PRKCA: variants seen among roughly 807,000 people sequenced by gnomAD.
PRKCA encodes the protein protein kinase C alpha type.
In PRKCA, 27 loss-of-function variants were observed where a neutral mutation model predicts 87.0. The observed-to-expected ratio is 0.31, with a 90% CI of 0.23 to 0.43. The LOEUF (loss-of-function observed/expected upper bound fraction) is 0.43, where lower values mean the gene tolerates loss of function less well. Ranked by LOEUF, PRKCA falls within the 20% of genes least tolerant of loss-of-function variation. The pLI, the probability that PRKCA is intolerant of heterozygous loss-of-function variation, is 1.00. For missense variants in PRKCA, 518 were observed against 852.3 expected (o/e 0.61, Z 4.88); for synonymous variants, 329 against 311.1 (o/e 1.06, Z -0.61).
chr17:66,764,488 T>A (rs747871473), intron 13 of PRKCA, among the ~76,000 whole-genome samples: 11 of 152,184 alleles, frequency 7.2e-5, no homozygotes, highest in Non-Finnish European at 1.5e-4. Context: ...CCTGGTCCTG[T>A]GCCCGGGCTG....
chr17:66,474,711 T>C (rs956300952), intron 2 of PRKCA, among the ~76,000 whole-genome samples: 3 of 152,234 alleles, frequency 2.0e-5, no homozygotes, highest in Non-Finnish European at 4.4e-5. Context: ...TTTCCTCAAC[T>C]TAAAGTAATT....
chr17:66,798,890 G>A (rs796428376), intron 16 of PRKCA, among the ~76,000 whole-genome samples: 4 of 21,676 alleles, frequency 1.8e-4, no homozygotes, highest in Non-Finnish European at 3.2e-4. Flanking sequence ...GGTGGTGGTG[G>A]TGGTGGTGGT....
chr17:66,562,328 C>T (rs1038348501), intron 3 of PRKCA, among the ~76,000 whole-genome samples: 2 of 151,010 alleles, frequency 1.3e-5, no homozygotes, highest in African/African-American at 4.9e-5. Context: ...ATGAGTACCA[C>T]CCTATAAATG....
intron 3 of PRKCA, among the ~76,000 whole-genome samples, chr17:66,586,686 C>G (rs1330568382): frequency 6.6e-6 from 1 of 152,194 alleles, no homozygotes; most frequent in African/African-American, 2.4e-5. Context: ...CTACTAAGCT[C>G]CTTCAACAGC....
chr17:66,796,951 T>C lies in PRKCA; in HGVS notation c.1855-6922T>C, dbSNP rs1254429018. On this transcript the variant is annotated intron_variant, in intron 16 of 16. Transcript: ENST00000413366. ...AGTCTTGCAACATCCCTTTACTCTT[T>C]ATTTGTTCTGCATCTTTCCTCTTCT... 4.1e-6 allele frequency: 4 copies of C among 985,324 alleles called. No individual in the cohort carries two copies. In the East Asian group the frequency reaches 4.5e-4, roughly 112 times the overall value. 61.0% of individuals were successfully genotyped at this position (985,324 alleles called of 1,614,324 possible).
chr17:66,429,750 G>T (rs1330084109), intron 2 of PRKCA, among the ~76,000 whole-genome samples: 1 of 152,090 alleles, frequency 6.6e-6, no homozygotes, highest in Non-Finnish European at 1.5e-5. Context: ...CAAAATTTAG[G>T]CAAAGGTAGA....
At chr17:66,764,959 T>C (rs1974765755) in intron 13 of PRKCA, among the ~76,000 whole-genome samples, 1 of 152,120 alleles carries the variant, frequency 6.6e-6, no homozygotes, top group Admixed American at 6.5e-5. Context: ...CCTAGACCAA[T>C]GAGAGCCAGA....
intron 3 of PRKCA, among the ~76,000 whole-genome samples, chr17:66,532,601 C>T (rs1184101274): frequency 2.6e-5 from 4 of 151,984 alleles, no homozygotes; most frequent in African/African-American, 4.8e-5. Context: ...TCAGGTGATC[C>T]GCCCACCTCG....
chr17:66,573,667 A>G (rs1204731031), intron 3 of PRKCA, among the ~76,000 whole-genome samples: 1 of 152,216 alleles, frequency 6.6e-6, no homozygotes, highest in Non-Finnish European at 1.5e-5. Context: ...AAAGCATAAC[A>G]TTATTCTTTG....
intron 13 of PRKCA, among the ~76,000 whole-genome samples, chr17:66,770,250 A>T (rs572948829): frequency 1.3e-5 from 2 of 152,350 alleles, no homozygotes; most frequent in South Asian, 4.1e-4. Flanking sequence ...CAAAGTTATT[A>T]AATATACTAT....
chr17:66,710,728 G>C (rs760917823), intron 8 of PRKCA, among the ~76,000 whole-genome samples: 1 of 151,998 alleles, frequency 6.6e-6, no homozygotes, highest in Non-Finnish European at 1.5e-5. Flanking sequence ...CTTCAGATTA[G>C]GTTAGTTTAA....
intron 5 of PRKCA, among the ~76,000 whole-genome samples, chr17:66,680,139 G>A (rs1392106764): frequency 1.3e-5 from 2 of 152,146 alleles, no homozygotes; most frequent in African/African-American, 4.8e-5. Context: ...ACTAAATCTC[G>A]CCTGTTTCCA....
intron 2 of PRKCA, among the ~76,000 whole-genome samples, chr17:66,467,029 T>C (rs866760536): frequency 6.6e-6 from 1 of 152,226 alleles, no homozygotes; most frequent in South Asian, 2.1e-4. Context: ...TATGAAAAGA[T>C]GTTTGCTGAT....
intron 2 of PRKCA, among the ~76,000 whole-genome samples, chr17:66,307,118 G>A (rs1904856624): frequency 6.6e-6 from 1 of 152,092 alleles, no homozygotes; most frequent in Non-Finnish European, 1.5e-5. Flanking sequence ...CTTGTTTCTT[G>A]TATACATTTT....
At chr17:66,644,797 G>C (rs900127030) in intron 4 of PRKCA, among the ~76,000 whole-genome samples, 2 of 151,954 alleles carry the variant, frequency 1.3e-5, no homozygotes, top group Admixed American at 1.3e-4. Flanking sequence ...TCAGTGGTAA[G>C]CCCAGAATGA....
At position 66,746,084 on chromosome 17, in the gene PRKCA, C is replaced by T. The variant is rs114066041; in HGVS notation, c.1524+3324C>T. Among the ~76,000 whole-genome samples, 946 of 149,014 alleles carry T rather than the reference C, an allele frequency of 6.3e-3. 13 individuals are homozygous for T. Among genetic ancestry groups the T allele is most frequent in the African/African-American group, 0.022 (890 of 40,480 alleles). The stretch of plus-strand genomic sequence containing the variant: ...CTATATGTGGATTCCAGTCAGCTTT[C>T]GTTGAAAACATCAGGCACCACTGCT... On this transcript the variant is annotated intron_variant, in intron 13 of 16. Transcript: ENST00000413366.
chr17:66,365,662 T>G (rs76287533), intron 2 of PRKCA, among the ~76,000 whole-genome samples: 2,588 of 152,300 alleles, frequency 0.017, 33 homozygotes, highest in Non-Finnish European at 0.028. Flanking sequence ...TAAATATTTC[T>G]TAAAATGAAG....
intron 3 of PRKCA, among the ~76,000 whole-genome samples, chr17:66,622,053 C>CAAA (rs1970699874): frequency 6.6e-6 from 1 of 151,212 alleles, no homozygotes; most frequent in Admixed American, 6.6e-5. Context: ...ACAACAACAA[C>CAAA]AAACAGCTAG....
At chr17:66,785,955 A>T (rs1285837359) in intron 14 of PRKCA, among the ~76,000 whole-genome samples, 3 of 152,126 alleles carry the variant, frequency 2.0e-5, no homozygotes, top group Admixed American at 1.3e-4. Flanking sequence ...CAGCCTCCCC[A>T]GTAGCTGGGA....
Sources: allele counts gnomAD v4.1 joint callset (sites outside exome capture counted in the v4.1 genomes callset), GRCh38; gene constraint gnomAD v4.1.1; transcripts MANE v1.5; gene names NCBI Gene and HGNC (gene_info 2026-07-23, HGNC 2026-07-21).